SLC27A1: variants seen among roughly 807,000 people sequenced by gnomAD.
SLC27A1 encodes solute carrier family 27 member 1.
A neutral mutation model predicts 62.2 loss-of-function variants in SLC27A1; 61 were observed. That is an observed-to-expected ratio of 0.98 (90% CI 0.80 to 1.21). The LOEUF is 1.21. Ranked by LOEUF, SLC27A1 falls within the 50% of genes most tolerant of loss-of-function variation. The pLI, the probability that SLC27A1 is intolerant of heterozygous loss-of-function variation, is 0.00. For missense variants in SLC27A1, 903 were observed against 932.1 expected (o/e 0.97, Z 0.41); for synonymous variants, 435 against 408.6 (o/e 1.06, Z -0.78).
chr19:17,469,699 A>C (rs958567512), upstream of SLC27A1, among the ~76,000 whole-genome samples: 4 of 152,006 alleles, frequency 2.6e-5, no homozygotes, highest in Non-Finnish European at 4.4e-5. Flanking sequence ...CGAAGTAGAC[A>C]GGAGGGAAGA....
chr19:17,504,711 C>G lies in SLC27A1; in HGVS notation c.*99C>G. 2 of 1,481,538 alleles carry G rather than the reference C, an allele frequency of 1.3e-6. No individual in the cohort carries two copies. Among genetic ancestry groups the G allele is most frequent in the Non-Finnish European group, 1.8e-6 (2 of 1,082,484 alleles). The allele number at this position is 1,481,538 out of a possible 1,614,324, so 91.8% of individuals were successfully genotyped here. On this transcript the variant is annotated 3_prime_UTR_variant, in exon 12 of 12. Coordinates refer to ENST00000252595, the MANE Select transcript of SLC27A1 (RefSeq NM_198580.3). ...GGGTGGCCGCCTAGTACACACCCAC[C>G]TGGCCGAGCTGTACCTGGCACGGCC... is the stretch of plus-strand genomic sequence containing the variant.
chr19:17,487,625 A>C, intron 4 of SLC27A1, 96 bp downstream of exon 4: 1 of 1,237,722 alleles, frequency 8.1e-7, no homozygotes, highest in Non-Finnish European at 1.1e-6. Context: ...GGGCATCTCC[A>C]TGTTACCCTG....
chr19:17,494,051 C>G (rs2075322783), intron 6 of SLC27A1, among the ~76,000 whole-genome samples: 1 of 149,586 alleles, frequency 6.7e-6, no homozygotes, highest in South Asian at 2.1e-4. Flanking sequence ...CGGAGTCTCG[C>G]TCTGTCTCCC....
chr19:17,486,958 G>A lies in SLC27A1; in HGVS notation c.562+1G>A, dbSNP rs555755567. 4 of 1,568,184 alleles carry A rather than the reference G, an allele frequency of 2.6e-6. No individual in the cohort carries two copies. In the South Asian group the frequency reaches 4.7e-5, roughly 18 times the overall value. On this transcript the variant is annotated splice_donor_variant, in intron 2 of 11. Coordinates refer to ENST00000252595, the MANE Select transcript of SLC27A1 (RefSeq NM_198580.3). LOFTEE classifies it high-confidence loss of function. The surrounding 1 kb of genome is among the most constrained non-coding windows in gnomAD (Gnocchi z 6.6). ...ATCTTTGGAGGAGAAATGGTGGCGG[G>A]TGAGGCCAGGCGTGGGCATCAGGTG...
At chr19:17,475,636 AG>A (rs1298864095) in intron 1 of SLC27A1, among the ~76,000 whole-genome samples, 1 of 152,240 alleles carries the variant, frequency 6.6e-6, no homozygotes, top group East Asian at 1.9e-4. Flanking sequence ...GGGGAGGCAC[AG>A]GACTCCAGAG....
chr19:17,479,350 G>A (rs1411154787), intron 1 of SLC27A1, among the ~76,000 whole-genome samples: 1 of 152,162 alleles, frequency 6.6e-6, no homozygotes, highest in Non-Finnish European at 1.5e-5. Flanking sequence ...TGGATTTGCT[G>A]TCTTTGTCAT....
chr19:17,488,841 C>T lies in SLC27A1; in HGVS notation c.795-7C>T, dbSNP rs758008791. On this transcript the variant is annotated splice_region_variant and splice_polypyrimidine_tract_variant and intron_variant, in intron 4 of 11. Coordinates refer to ENST00000252595, the MANE Select transcript of SLC27A1 (RefSeq NM_198580.3). ...CTCTGCCCTCCCGGCTCCCCCTCCC[C>T]CTGCAGGTACTACCGCATGGCAGCC... The T allele has an allele frequency of 1.9e-6, 3 of 1,613,040 alleles. No homozygotes were observed. The highest frequency in any genetic ancestry group is 1.7e-5 in the Admixed American group (1 of 59,970).
rs1422762894 is a variant in SLC27A1 at position 17,486,551 on chromosome 19, C to T, written c.168-12C>T. The T allele has an allele frequency of 6.4e-6, 10 of 1,565,650 alleles. No individual in the cohort carries two copies. The highest frequency in any genetic ancestry group is 8.6e-6 in the Non-Finnish European group (10 of 1,162,622). On this transcript the variant is annotated splice_polypyrimidine_tract_variant and intron_variant, in intron 1 of 11. Transcript: ENST00000252595. This position sits in a 1 kb window ranked among gnomAD's most constrained non-coding sequence, Gnocchi z 6.6. ...GCACCAGTGACGCTGTCCCCTCCGT[C>T]CTCCCTCCCAGCGGTCTCTCTGTGC...
At chr19:17,494,248 C>A (rs1394795805) in intron 6 of SLC27A1, among the ~76,000 whole-genome samples, 4 of 151,876 alleles carry the variant, frequency 2.6e-5, no homozygotes, top group African/African-American at 9.7e-5. Context: ...TGGTCTCGAT[C>A]TCCTGACCTC....
chr19:17,488,901 ACG>A lies in SLC27A1; in HGVS notation c.849_850del (p.Val284AlafsTer3). On this transcript the variant is annotated frameshift_variant, in exon 5 of 12. Coordinates refer to ENST00000252595, the MANE Select transcript of SLC27A1 (RefSeq NM_198580.3). LOFTEE classifies it high-confidence loss of function. ...CACGCCTACCGCATGCAGGCGGCTG[ACG>A]TGCTCTATGACTGCCTGCCCCTGTA... 1 of 1,614,048 alleles carries A rather than the reference ACG, an allele frequency of 6.2e-7. No individual in the cohort carries two copies. Among genetic ancestry groups the A allele is most frequent in the East Asian group, 2.2e-5 (1 of 44,874 alleles).
intron 1 of SLC27A1, among the ~76,000 whole-genome samples, chr19:17,479,615 C>T (rs529972838): frequency 6.7e-6 from 1 of 149,342 alleles, no homozygotes; most frequent in Non-Finnish European, 1.5e-5. Flanking sequence ...TTGAGACATA[C>T]TTCATATTCT....
intron 6 of SLC27A1, chr19:17,490,991 T>G (rs2075288279): frequency 7.4e-6 from 1 of 135,454 alleles, no homozygotes; most frequent in Admixed American, 8.4e-5. Flanking sequence ...ATTGCACCAC[T>G]GCACTCCAGC....
chr19:17,492,634 A>AAAC (rs1555746067), intron 6 of SLC27A1, among the ~76,000 whole-genome samples: 3 of 149,780 alleles, frequency 2.0e-5, no homozygotes, highest in African/African-American at 4.9e-5. Flanking sequence ...AAAAAAAAAA[A>AAAC]AGAAAAAGAA....
intron 1 of SLC27A1, among the ~76,000 whole-genome samples, chr19:17,484,433 A>T (rs1447277538): frequency 6.6e-6 from 1 of 152,168 alleles, no homozygotes; most frequent in Non-Finnish European, 1.5e-5. Flanking sequence ...TCTACAAAAA[A>T]TACAAAAATT....
chr19:17,480,632 C>G (rs1281371881), intron 1 of SLC27A1, among the ~76,000 whole-genome samples: 4 of 141,396 alleles, frequency 2.8e-5, no homozygotes, highest in Non-Finnish European at 6.0e-5. Context: ...CCCACCTTGA[C>G]CTTTCAAAGT....
At chr19:17,482,204 C>T (rs1186254180) in intron 1 of SLC27A1, among the ~76,000 whole-genome samples, 1 of 152,168 alleles carries the variant, frequency 6.6e-6, no homozygotes, top group Non-Finnish European at 1.5e-5. Context: ...TAAATGAGTA[C>T]ATTGCACGTG....
intron 6 of SLC27A1, chr19:17,492,410 G>A (rs1321970654): frequency 6.6e-6 from 1 of 152,078 alleles, no homozygotes. Flanking sequence ...TGGAATTTCT[G>A]TGTCAAATAA....
chr19:17,471,799 T>G (rs887298303), intron 1 of SLC27A1, among the ~76,000 whole-genome samples: 2 of 152,158 alleles, frequency 1.3e-5, no homozygotes, highest in Admixed American at 6.6e-5. Context: ...GCTCCTTGGT[T>G]GTTCTGATGT....
At position 17,486,179 on chromosome 19, in the gene SLC27A1, T is replaced by G. The variant is rs1451215783; in HGVS notation, c.168-384T>G. 1.2e-4 allele frequency among the ~76,000 whole-genome samples: 18 copies of G among 152,090 alleles called. No individual in the cohort carries two copies. Among genetic ancestry groups the G allele is most frequent in the Non-Finnish European group, 2.5e-4 (17 of 67,996 alleles). ...AGCTGCCCAGCTCGGGGCTGGACCC[T>G]GGGGGTCCTGGTTAGGGTGGTCTGA... On this transcript the variant is annotated intron_variant, in intron 1 of 11. Coordinates refer to ENST00000252595, the MANE Select transcript of SLC27A1 (RefSeq NM_198580.3). The surrounding 1 kb of genome is among the most constrained non-coding windows in gnomAD (Gnocchi z 6.6).
Sources: gnomAD v4.1 joint callset for allele counts (sites outside exome capture counted in the v4.1 genomes callset) on GRCh38, gnomAD v4.1.1 for gene constraint, Gnocchi (gnomAD v3.1) non-coding constraint, MANE v1.5 for transcripts, NCBI Gene and HGNC (gene_info 2026-07-23, HGNC 2026-07-21) for gene names.